UBTF: variants seen among roughly 807,000 people sequenced by gnomAD.
UBTF encodes upstream binding transcription factor.
Under a neutral mutation model 112.3 loss-of-function variants are expected in UBTF, and 8 were observed. The ratio of observed to expected loss-of-function variants is 0.07; its 90% confidence interval spans 0.04 to 0.13. UBTF has a LOEUF of 0.13. Ranked by LOEUF, UBTF falls within the 10% of genes least tolerant of loss-of-function variation. The probability of loss-of-function intolerance (pLI) is 1.00; values close to 1 mark genes in which losing one functional copy is unlikely to be tolerated. For missense variants in UBTF, 457 were observed against 982.1 expected, an observed-to-expected ratio of 0.47 and a Z score of 7.15; for synonymous variants, 417 against 373.1, an observed-to-expected ratio of 1.12 and a Z score of -1.36.
intron 7 of UBTF, 107 bp downstream of exon 7, chr17:44,212,712 G>A (rs985515231): frequency 1.3e-5 from 20 of 1,548,962 alleles, no homozygotes; most frequent in Non-Finnish European, 1.7e-5. Context: ...CCCCTGGGGA[G>A]GGGCCTCCTC....
chr17:44,210,546 G>T, intron 13 of UBTF, 73 bp from the exon 14 acceptor site: 1 of 1,468,192 alleles, frequency 6.8e-7, no homozygotes, highest in Non-Finnish European at 8.9e-7. Context: ...AGCAGCCCAG[G>T]CGCTCCCGCC....
chr17:44,212,656 C>T (rs1598245077), intron 7 of UBTF, among the ~76,000 whole-genome samples, 163 bp downstream of exon 7: 2 of 152,174 alleles, frequency 1.3e-5, no homozygotes, highest in African/African-American at 2.4e-5. Context: ...CGCACACACG[C>T]ACACGCTTGC....
Position 44,217,004 on chromosome 17 carries a change from G to T in UBTF, c.59-300C>A, listed in dbSNP as rs1190073872. On this transcript the variant is annotated intron_variant, in intron 2 of 20. Transcript: ENST00000436088. ...AAGCTGCAACGGGCAGCTATTTGCT[G>T]TAAGGGGAAGAGGGGTGGAAATGAA... Among the ~76,000 whole-genome samples the T allele has an allele frequency of 3.9e-5, 6 of 152,224 alleles. No homozygotes were observed. The East Asian group carries it at 1.2e-3, about 29-fold the overall frequency.
intron 3 of UBTF, chr17:44,216,286 G>A (rs2046842231): frequency 9.8e-6 from 6 of 609,320 alleles, no homozygotes; most frequent in South Asian, 7.9e-5. Context: ...TAGCACCTCC[G>A]TCAATCTCAG....
chr17:44,210,087 C>T, intron 15 of UBTF, 37 bp downstream of exon 15: 2 of 1,610,320 alleles, frequency 1.2e-6, no homozygotes, highest in Non-Finnish European at 1.7e-6. Context: ...AGTTCCCGAG[C>T]TTTCAATGAA....
In UBTF at chr17:44,207,369, T is replaced by TG. The variant is rs751477710; in HGVS notation, c.2170-3dup. The TG allele has an allele frequency of 1.9e-6, 3 of 1,613,022 alleles. No homozygotes were observed. The highest frequency in any genetic ancestry group is 2.5e-6 in the Non-Finnish European group (3 of 1,179,494). ...TTCGTCCTCGTCATCCTCTTCATTC[T>TG]GGGGGGTGAGAAAGGATGTGGAGTC... On this transcript the variant is annotated splice_polypyrimidine_tract_variant and splice_region_variant and intron_variant, in intron 20 of 20. Transcript: ENST00000436088.
chr17:44,215,729 G>A lies in UBTF; in HGVS notation c.399C>T (p.Leu133=), dbSNP rs1413043107. The stretch of plus-strand genomic sequence containing the variant: ...GGTCCAGGTTGCTCATCTCAGGGTG[G>A]AGTTTCGCATACTTGGCCCGCTTCT... ...FMEKRAKYAK[L]HPEMSNLDLT... is the part of the protein sequence containing the mutation. The change falls in exon 5 of 21, where the codon CTC becomes CTT. Residue 133 remains leucine (L), a synonymous_variant. Transcript: ENST00000436088. 24 of 1,613,980 alleles carry A rather than the reference G, an allele frequency of 1.5e-5. No homozygotes were observed. The highest frequency in any genetic ancestry group is 2.0e-5 in the Non-Finnish European group (24 of 1,180,026).
intron 5 of UBTF, chr17:44,215,387 G>C: frequency 4.1e-6 from 2 of 483,950 alleles, no homozygotes; most frequent in South Asian, 2.5e-5. Flanking sequence ...GAGAGAGCTT[G>C]AAACAGAATG....
In UBTF at chr17:44,211,535, G is replaced by T; in HGVS notation, c.1047+71C>A. On this transcript the variant is annotated intron_variant, in intron 10 of 20. Coordinates refer to ENST00000436088, the MANE Select transcript of UBTF (RefSeq NM_014233.4). This position sits in a 1 kb window ranked among gnomAD's most constrained non-coding sequence, Gnocchi z 4.9. ...CCCAAGGCACACGCCACCAGGGACT[G>T]ACTGGCCCAAGATGGGATCAGACCT... is the stretch of plus-strand genomic sequence containing the variant. The T allele has an allele frequency of 1.3e-6, 2 of 1,572,638 alleles. No homozygotes were observed. The highest frequency in any genetic ancestry group is 1.2e-5 in the South Asian group (1 of 85,552).
At chr17:44,221,130 C>CTT (rs1248023995), upstream of UBTF, 1 of 148,996 alleles carries the variant, frequency 6.7e-6, no homozygotes, top group Non-Finnish European at 1.5e-5. Flanking sequence ...TGGTTTTCGT[C>CTT]TTTTTTTTTT....
intron 17 of UBTF, chr17:44,208,946 A>G: frequency 2.9e-6 from 1 of 343,216 alleles, no homozygotes; most frequent in Non-Finnish European, 5.8e-6. Context: ...GTGCTTTGGG[A>G]GGCCGAGGTG....
At chr17:44,218,347 T>G (rs1187190262) in intron 1 of UBTF, 51 bp from the exon 2 acceptor site, 11 of 1,141,200 alleles carry the variant, frequency 9.6e-6, no homozygotes, top group Non-Finnish European at 1.4e-5. Flanking sequence ...GGTGAACGAC[T>G]AACGACTTTC....
At position 44,210,485 on chromosome 17, in the gene UBTF, GC is replaced by G; in HGVS notation, c.1360-13del. 6.3e-7 allele frequency: 1 copy of G among 1,588,034 alleles called. No individual in the cohort carries two copies. The highest frequency in any genetic ancestry group is 8.5e-7 in the Non-Finnish European group (1 of 1,172,534). ...GCCTTGTACTTGGCCTGCGGGGATG[GC>G]CCGGGCGTCAGCCTTCCACCCACCC... On this transcript the variant is annotated splice_polypyrimidine_tract_variant and intron_variant, in intron 13 of 20. Transcript: ENST00000436088.
chr17:44,205,184 C>T lies in UBTF; in HGVS notation c.*2058G>A, dbSNP rs1217475813. On this transcript the variant is annotated 3_prime_UTR_variant, in exon 21 of 21. Transcript: ENST00000436088. The stretch of plus-strand genomic sequence containing the variant: ...GGTGGTTGTTGAATCCTACAAAACA[C>T]TCCTTAAATATTAGAAAAGAAGTTG... The T allele has an allele frequency of 6.6e-6, 1 of 152,664 alleles. No individual in the cohort carries two copies. Among genetic ancestry groups the T allele is most frequent in the Non-Finnish European group, 1.5e-5 (1 of 68,044 alleles). The allele number at this position is 152,664 out of a possible 1,614,324, so 9.5% of individuals were successfully genotyped here. A position where few individuals can be genotyped will look rare whatever the true frequency, so the allele number is the denominator to read the frequency against.
chr17:44,220,228 G>T (rs554365535), upstream of UBTF, among the ~76,000 whole-genome samples: 67 of 152,092 alleles, frequency 4.4e-4, no homozygotes, highest in African/African-American at 1.6e-3. Context: ...GGAGGGCCGA[G>T]GTGCGGCCGC....
chr17:44,212,494 G>A (rs1301951229), intron 7 of UBTF, 40 bp from the exon 8 acceptor site: 3 of 1,354,232 alleles, frequency 2.2e-6, no homozygotes, highest in Non-Finnish European at 3.2e-6. Flanking sequence ...AGGCAGCCAG[G>A]GGCAGGGGGA....
Position 44,212,327 on chromosome 17 carries a change from C to T in UBTF, c.771+17G>A, listed in dbSNP as rs759283252. On this transcript the variant is annotated intron_variant, in intron 8 of 20. Coordinates refer to ENST00000436088, the MANE Select transcript of UBTF (RefSeq NM_014233.4). ...TCGTGAAGAGCCGGACGGGGAGGAGCGCAGCGGAAGCCTAACCTCGTACTC... is the reference window on the plus strand; with the variant it reads ...TCGTGAAGAGCCGGACGGGGAGGAGTGCAGCGGAAGCCTAACCTCGTACTC... The T allele has an allele frequency of 1.2e-5, 20 of 1,601,452 alleles. No individual in the cohort carries two copies. The Admixed American group carries it at 1.3e-4, about 11-fold the overall frequency.
intron 2 of UBTF, 149 bp downstream of exon 2, chr17:44,218,023 G>A: frequency 1.2e-6 from 1 of 838,104 alleles, no homozygotes. Flanking sequence ...CCCAAGTGTG[G>A]GAGATGCTTG....
In UBTF at chr17:44,215,877, C is replaced by T. The variant is rs115183012; in HGVS notation, c.318+29G>A. 5,525 of 1,613,918 alleles carry T rather than the reference C, an allele frequency of 3.4e-3. 129 individuals carry two copies. The African/African-American group carries it at 0.062, about 18-fold the overall frequency. On this transcript the variant is annotated intron_variant, in intron 4 of 20. Transcript: ENST00000436088. ...CTTCTTTGGACCTTTCCTCCCATAC[C>T]CCTCATGCTCCTCCTCCTAGTAACT...
Sources: allele counts gnomAD v4.1 joint callset (sites outside exome capture counted in the v4.1 genomes callset), GRCh38; gene constraint gnomAD v4.1.1; non-coding constraint Gnocchi (gnomAD v3.1); transcripts MANE v1.5; gene names NCBI Gene and HGNC (gene_info 2026-07-23, HGNC 2026-07-21).